Variants in NIN observed in about 807,000 individuals in gnomAD.
The protein encoded by NIN is glycogen synthase kinase 3 beta-interacting protein.
NIN carries 137 observed loss-of-function variants against 257.6 expected under a neutral mutation model. That is an observed-to-expected ratio of 0.53 (90% CI 0.46 to 0.61). NIN has a LOEUF of 0.61. Ranked by LOEUF, NIN falls within the 20% of genes least tolerant of loss-of-function variation. The pLI, the probability that NIN is intolerant of heterozygous loss-of-function variation, is 0.00. For synonymous variants in NIN, 918 were observed against 919.8 expected, an observed-to-expected ratio of 1.00 and a Z score of 0.04; for missense variants, 2,439 against 2,501.2, an observed-to-expected ratio of 0.98 and a Z score of 0.53.
chr14:50,765,238 A>G (rs1412546037), intron 14 of NIN, among the ~76,000 whole-genome samples: 1 of 152,174 alleles, frequency 6.6e-6, no homozygotes, highest in African/African-American at 2.4e-5. Context: ...TTCCGTCTTA[A>G]AAAAAGTAAG....
At position 50,741,023 on chromosome 14, in the gene NIN, T is replaced by C. The variant is rs72681698; in HGVS notation, c.5448+559A>G. Among the ~76,000 whole-genome samples, 699 of 152,356 alleles carry C rather than the reference T, an allele frequency of 4.6e-3. 2 individuals carry two copies. Among genetic ancestry groups the C allele is most frequent in the Non-Finnish European group, 8.2e-3 (561 of 68,034 alleles). On this transcript the variant is annotated intron_variant, in intron 25 of 30. Coordinates refer to ENST00000530997, the MANE Select transcript of NIN (RefSeq NM_020921.4). ...GCTCTTCCTGGACTTTCTGGTGCCATAGCAACCTATTTGTAGCAATGAATT... is the reference window on the plus strand; with the variant it reads ...GCTCTTCCTGGACTTTCTGGTGCCACAGCAACCTATTTGTAGCAATGAATT...
rs760267142 is a variant in NIN, at chr14:50,766,825, C to T, written c.1500G>A (p.Leu500=). The T allele has an allele frequency of 6.8e-6, 11 of 1,613,874 alleles. No homozygotes were observed. The East Asian group carries it at 2.5e-4, about 36-fold the overall frequency. The change falls in exon 13 of 31, where the codon CTG becomes CTA. Residue 500 remains leucine (L), a synonymous_variant. Coordinates refer to ENST00000530997, the MANE Select transcript of NIN (RefSeq NM_020921.4). ...NAEKLAEYEN[L]TNKLQRNLEN... Reference sequence around the variant, plus strand: ...CCAAATTTCTCTGAAGTTTGTTTGTCAGATTCTCATATTCTGCCAACTTCT... The same window carrying T: ...CCAAATTTCTCTGAAGTTTGTTTGTTAGATTCTCATATTCTGCCAACTTCT...
intron 2 of NIN, among the ~76,000 whole-genome samples, chr14:50,827,266 A>G (rs1298455857): frequency 6.6e-6 from 1 of 152,214 alleles, no homozygotes; most frequent in Non-Finnish European, 1.5e-5. Context: ...TTTATATAGG[A>G]GAATACTTCC....
At chr14:50,743,603 C>T (rs2041395433) in intron 23 of NIN, 74 bp from the exon 24 acceptor site, 8 of 824,114 alleles carry the variant, frequency 9.7e-6, no homozygotes, top group Non-Finnish European at 1.7e-5. Flanking sequence ...TATGCCTGCA[C>T]TTACATTGTC....
At chr14:50,768,237 A>G (rs1323974382) in intron 12 of NIN, among the ~76,000 whole-genome samples, 2 of 151,970 alleles carry the variant, frequency 1.3e-5, no homozygotes, top group African/African-American at 4.8e-5. Context: ...ATACAGCAAT[A>G]TAAGTAAAAA....
chr14:50,813,677 C>T (rs2044746469), intron 3 of NIN, among the ~76,000 whole-genome samples: 1 of 152,240 alleles, frequency 6.6e-6, no homozygotes, highest in African/African-American at 2.4e-5. Flanking sequence ...ACTAATGTTG[C>T]ATAAACTCAT....
At chr14:50,738,389 T>C in intron 26 of NIN, 103 bp from the exon 27 acceptor site, 1 of 942,452 alleles carries the variant, frequency 1.1e-6, no homozygotes, top group Non-Finnish European at 1.6e-6. Flanking sequence ...GGGTCCTGTT[T>C]AACATCCTTT....
chr14:50,781,788 C>T (rs755244559), intron 5 of NIN, among the ~76,000 whole-genome samples: 11 of 152,190 alleles, frequency 7.2e-5, no homozygotes, highest in Non-Finnish European at 7.3e-5. Flanking sequence ...TTGTGCCTGG[C>T]ACATAGTAAG....
At chr14:50,800,001 T>TACAC (rs1180646398) in intron 4 of NIN, among the ~76,000 whole-genome samples, 3 of 81,330 alleles carry the variant, frequency 3.7e-5, no homozygotes, top group East Asian at 6.6e-4. Context: ...ACAATATATA[T>TACAC]ACACATACAC....
Position 50,758,472 on chromosome 14 carries a change from T to C in NIN, c.2558A>G (p.Glu853Gly). ...ELKDLQEQQR[E>G]EKSQWEFEKD... ...CTCAAATTCCCACTGGGATTTCTCC[T>C]CACGCTGCTGTTCCTGGAGGTCCTT... is the stretch of plus-strand genomic sequence containing the variant. The change falls in exon 18 of 31, where the codon GAG becomes GGG. Residue 853 changes from glutamate (E) to glycine (G), a missense_variant. By Grantham distance (98) the Glu-to-Gly change is moderately conservative. Around this residue, in one of 3 missense-constraint regions of NIN, gnomAD observed 2,043 missense variants for 2,050.2 expected, o/e 1.00. Transcript: ENST00000530997. The C allele has an allele frequency of 6.2e-7, 1 of 1,614,244 alleles. No individual in the cohort carries two copies. Among genetic ancestry groups the C allele is most frequent in the Non-Finnish European group, 8.5e-7 (1 of 1,180,044 alleles).
At chr14:50,819,641 C>T (rs932318372) in intron 3 of NIN, among the ~76,000 whole-genome samples, 5 of 152,174 alleles carry the variant, frequency 3.3e-5, no homozygotes, top group Non-Finnish European at 7.3e-5. Flanking sequence ...TTATCAGCAG[C>T]GTGAAAACGG....
intron 3 of NIN, among the ~76,000 whole-genome samples, chr14:50,817,043 G>C (rs2044934598): frequency 6.6e-6 from 1 of 152,192 alleles, no homozygotes; most frequent in African/African-American, 2.4e-5. Flanking sequence ...CAGACCCTCA[G>C]GAGTTCAGAC....
chr14:50,735,623 TAAAAAAAACA>T lies in NIN; in HGVS notation c.5776-16_5776-7del. ...AGGGAATTCATCTGACTGACCTGTT[TAAAAAAAACA>T]AAATATTCCCTTGAAACAGAAACAA... On this transcript the variant is annotated splice_region_variant and splice_polypyrimidine_tract_variant and intron_variant, in intron 27 of 30. Coordinates refer to ENST00000530997, the MANE Select transcript of NIN (RefSeq NM_020921.4). 1 of 1,600,552 alleles carries T rather than the reference TAAAAAAAACA, an allele frequency of 6.2e-7. No homozygotes were observed. The highest frequency in any genetic ancestry group is 8.5e-7 in the Non-Finnish European group (1 of 1,176,926).
At chr14:50,761,181 G>GA (rs371155318) in intron 16 of NIN, among the ~76,000 whole-genome samples, 36 of 152,134 alleles carry the variant, frequency 2.4e-4, no homozygotes, top group Non-Finnish European at 3.8e-4. Flanking sequence ...TCAAAGGAGG[G>GA]AAAAAAATCA....
At chr14:50,821,340 G>GCA (rs1005704053) in intron 3 of NIN, among the ~76,000 whole-genome samples, 6 of 152,298 alleles carry the variant, frequency 3.9e-5, no homozygotes, top group Admixed American at 1.3e-4. Context: ...ACATTGGCGT[G>GCA]CACACACACA....
chr14:50,734,086 A>ATTTTTTTTTTTT (rs200910856), intron 28 of NIN, among the ~76,000 whole-genome samples: 1 of 138,322 alleles, frequency 7.2e-6, no homozygotes, highest in Non-Finnish European at 1.6e-5. Context: ...TTTCTTCTTT[A>ATTTTTTTTTTTT]TTTTTTTTTT....
At position 50,757,949 on chromosome 14, in the gene NIN, A is replaced by G. The variant is rs1399079715; in HGVS notation, c.3081T>C (p.Ser1027=). Residue 1027 remains serine, a synonymous_variant, in exon 18 of 31, where the codon TCT becomes TCC. Transcript: ENST00000530997. Reference sequence around the variant, plus strand: ...AACCACTCTGAAGCATTGAGAGAGGAGATGTTGCCTGCTGCATTTCCTTTA... The same window carrying G: ...AACCACTCTGAAGCATTGAGAGAGGGGATGTTGCCTGCTGCATTTCCTTTA... ...SKIKEMQQAT[S]PLSMLQSGCQ... The G allele has an allele frequency of 1.2e-6, 2 of 1,613,952 alleles. No homozygotes were observed. Among genetic ancestry groups the G allele is most frequent in the Admixed American group, 3.3e-5 (2 of 60,000 alleles).
chr14:50,822,402 A>G lies in NIN; in HGVS notation c.-21-325T>C, dbSNP rs1402644797. Among the ~76,000 whole-genome samples the G allele has an allele frequency of 1.1e-4, 16 of 152,340 alleles. No individual in the cohort carries two copies. In the South Asian group the frequency reaches 2.5e-3, roughly 24 times the overall value. On this transcript the variant is annotated intron_variant, in intron 2 of 30. Transcript: ENST00000530997. ...TTCTCAGGCGGACAGCCAGACTGCC[A>G]AACTCAAGGCTGAAGGTGGTTCTCT...
chr14:50,804,015 C>T (rs1476324153), intron 4 of NIN, among the ~76,000 whole-genome samples: 2 of 151,902 alleles, frequency 1.3e-5, no homozygotes, highest in African/African-American at 4.8e-5. Context: ...CCTGCATCAG[C>T]CTTCTGAGTA....
Sources: allele counts gnomAD v4.1 joint callset (sites outside exome capture counted in the v4.1 genomes callset), GRCh38; gene constraint gnomAD v4.1.1; regional missense constraint gnomAD v4.1.1; transcripts MANE v1.5; gene names NCBI Gene and HGNC (gene_info 2026-07-23, HGNC 2026-07-21).